Variants in ZFP30 observed in about 807,000 individuals in gnomAD.
ZFP30 encodes the protein zinc finger protein 30 homolog.
Under a neutral mutation model 12.3 loss-of-function variants are expected in ZFP30, and 16 were observed. That is an observed-to-expected ratio of 1.30 (90% CI 0.88 to 1.98). The LOEUF is 1.98. Among genes scored for constraint, ZFP30 ranks in the 30% most tolerant of loss-of-function variants. The pLI is 0.00. For missense variants in ZFP30, 560 were observed against 611.2 expected, an observed-to-expected ratio of 0.92 and a Z score of 0.88; for synonymous variants, 172 against 201.0, an observed-to-expected ratio of 0.86 and a Z score of 1.22.
At chr19:37,654,117 G>C (rs184882405) in intron 2 of ZFP30, among the ~76,000 whole-genome samples, 1 of 152,176 alleles carries the variant, frequency 6.6e-6, no homozygotes, top group Non-Finnish European at 1.5e-5. Flanking sequence ...ACACCGTAAA[G>C]TATACACTAT....
rs184617383 is a variant in ZFP30 at position 37,640,301 on chromosome 19, C to G, written c.235+2964G>C. Among the ~76,000 whole-genome samples the G allele has an allele frequency of 3.3e-5, 5 of 151,836 alleles. No individual in the cohort carries two copies. In the East Asian group the frequency reaches 9.7e-4, roughly 29 times the overall value. On this transcript the variant is annotated intron_variant, in intron 5 of 5. Coordinates refer to ENST00000684514, the MANE Select transcript of ZFP30 (RefSeq NM_001320669.3). Reference sequence around the variant, plus strand: ...ACCTACACTGAAACAAAATGCTGGGCCAAACATCAAAAGATTGGACTATGA... The same window carrying G: ...ACCTACACTGAAACAAAATGCTGGGGCAAACATCAAAAGATTGGACTATGA...
Position 37,635,798 on chromosome 19 carries a change from C to G in ZFP30, c.743G>C (p.Gly248Ala). ...GEKPYECKEC[G>A]KAFRVRGQLN... is the part of the protein sequence containing the mutation. ...TTGTCCTCTAACTCTAAAGGCTTTC[C>G]CACATTCTTTACATTCATACGGCTT... is the stretch of plus-strand genomic sequence containing the variant. Residue 248 changes from glycine (G) to alanine (A), a missense_variant, in exon 6 of 6, where the codon GGG (glycine) becomes GCG (alanine). Transcript: ENST00000684514. The G allele has an allele frequency of 1.2e-6, 2 of 1,614,082 alleles. No individual in the cohort carries two copies. Among genetic ancestry groups the G allele is most frequent in the Non-Finnish European group, 1.7e-6 (2 of 1,180,028 alleles).
At chr19:37,653,078 T>C (rs2044684855) in intron 2 of ZFP30, among the ~76,000 whole-genome samples, 1 of 148,378 alleles carries the variant, frequency 6.7e-6, no homozygotes, top group African/African-American at 2.5e-5. Flanking sequence ...GATTTCGGCA[T>C]TGCACTCCAA....
intron 2 of ZFP30, among the ~76,000 whole-genome samples, chr19:37,649,552 G>A (rs942843275): frequency 2.0e-5 from 3 of 152,118 alleles, no homozygotes; most frequent in African/African-American, 4.8e-5. Flanking sequence ...TTAAACAGCC[G>A]AGTGCAGTGG....
intron 2 of ZFP30, 67 bp from the exon 3 acceptor site, chr19:37,647,966 G>GT: frequency 1.2e-6 from 1 of 854,580 alleles, no homozygotes; most frequent in Non-Finnish European, 1.8e-6. Flanking sequence ...TTAAAAACTG[G>GT]TACTACTTCT....
At chr19:37,644,452 T>C (rs2044498967) in intron 4 of ZFP30, 158 bp downstream of exon 4, 1 of 655,924 alleles carries the variant, frequency 1.5e-6, no homozygotes. Context: ...TAGAATCGCT[T>C]GAACCCAGGA....
At position 37,644,750 on chromosome 19, in the gene ZFP30, C is replaced by T. The variant is rs749178734; in HGVS notation, c.10-14G>A. 58 of 1,601,108 alleles carry T rather than the reference C, an allele frequency of 3.6e-5. No homozygotes were observed. Among genetic ancestry groups the T allele is most frequent in the Non-Finnish European group, 4.6e-5 (54 of 1,175,910 alleles). ...CATCACCAAATCCTGAAATGATAAA[C>T]GCATGTATTATTTGTAAGATAAATG... On this transcript the variant is annotated splice_polypyrimidine_tract_variant and intron_variant, in intron 3 of 5. Coordinates refer to ENST00000684514, the MANE Select transcript of ZFP30 (RefSeq NM_001320669.3).
chr19:37,636,123 TG>T lies in ZFP30; in HGVS notation c.417del (p.Tyr139Ter). The T allele has an allele frequency of 1.2e-6, 2 of 1,614,216 alleles. No individual in the cohort carries two copies. The highest frequency in any genetic ancestry group is 1.7e-6 in the Non-Finnish European group (2 of 1,180,040). On this transcript the variant is annotated frameshift_variant, in exon 6 of 6. Coordinates refer to ENST00000684514, the MANE Select transcript of ZFP30 (RefSeq NM_001320669.3). LOFTEE classifies it low-confidence loss of function (END_TRUNC). The part of the protein sequence containing the change: ...TKTTSEKMPT[Y>X]RKLTSLPLYQ... ...TACAGAGGAAGAGATGTGAGTTTTC[TG>T]TAAGTAGGCATTTTTTCAGAGGTGG...
At chr19:37,648,112 C>G (rs113016485) in intron 2 of ZFP30, among the ~76,000 whole-genome samples, 21 of 152,322 alleles carry the variant, frequency 1.4e-4, no homozygotes, top group African/African-American at 5.1e-4. Context: ...AGCAGAGACT[C>G]TGCGGCATCA....
At chr19:37,647,750 G>T (rs1418648257) in intron 3 of ZFP30, 64 bp downstream of exon 3, 1 of 1,594,272 alleles carries the variant, frequency 6.3e-7, no homozygotes, top group African/African-American at 1.3e-5. Context: ...AATAACAAAT[G>T]AGAATGTTCA....
intron 2 of ZFP30, among the ~76,000 whole-genome samples, chr19:37,649,487 C>T (rs946318630): frequency 2.6e-5 from 4 of 152,016 alleles, no homozygotes; most frequent in Admixed American, 2.6e-4. Flanking sequence ...TGGAAAGAAC[C>T]TAAATGTCCT....
Position 37,633,405 on chromosome 19 carries a change from G to A in ZFP30, c.*1576C>T, listed in dbSNP as rs1475618964. On this transcript the variant is annotated 3_prime_UTR_variant, in exon 6 of 6. Transcript: ENST00000684514. ...TTTTGCTCTTGTTGCCCAGGCTGGA[G>A]TGCAATGGCGTGATCTCGGCTCACT... is the stretch of plus-strand genomic sequence containing the variant. 2.6e-5 allele frequency: 4 copies of A among 152,212 alleles called. No homozygotes were observed. The highest frequency in any genetic ancestry group is 9.7e-5 in the African/African-American group (4 of 41,406). The allele number at this position is 152,212 out of a possible 1,614,324, so 9.4% of individuals were successfully genotyped here.
At chr19:37,640,583 CT>C in intron 5 of ZFP30, among the ~76,000 whole-genome samples, 1 of 151,220 alleles carries the variant, frequency 6.6e-6, no homozygotes, top group East Asian at 1.9e-4. Context: ...AGGGCATCAG[CT>C]TTAATTAAAA....
Position 37,647,860 on chromosome 19 carries a change from G to C in ZFP30, c.-38C>G. ...GCTAGAACTGGTCAATTTTCCTCAA[G>C]GTTCATGTACTTCAGAAGCAGGGTC... On this transcript the variant is annotated 5_prime_UTR_variant, in exon 3 of 6. Coordinates refer to ENST00000684514, the MANE Select transcript of ZFP30 (RefSeq NM_001320669.3). 1.9e-6 allele frequency: 3 copies of C among 1,613,790 alleles called. No homozygotes were observed. Among genetic ancestry groups the C allele is most frequent in the Non-Finnish European group, 2.5e-6 (3 of 1,179,744 alleles).
chr19:37,648,422 C>T (rs1156295368), intron 2 of ZFP30, among the ~76,000 whole-genome samples: 1 of 152,108 alleles, frequency 6.6e-6, no homozygotes, highest in Non-Finnish European at 1.5e-5. Context: ...TATACTGTTG[C>T]CTGGCTCCCA....
At chr19:37,640,931 T>C (rs1022542588) in intron 5 of ZFP30, among the ~76,000 whole-genome samples, 1 of 152,110 alleles carries the variant, frequency 6.6e-6, no homozygotes, top group Non-Finnish European at 1.5e-5. Context: ...ATCAGAGATC[T>C]GAAAATGTTA....
At chr19:37,637,469 G>A (rs961045686) in intron 5 of ZFP30, among the ~76,000 whole-genome samples, 2 of 151,606 alleles carry the variant, frequency 1.3e-5, no homozygotes, top group African/African-American at 4.8e-5. Flanking sequence ...AATTACAGGC[G>A]TCAGCCACCG....
At chr19:37,655,244 T>A (rs2044731384) in intron 1 of ZFP30, 176 bp downstream of exon 1, 1 of 152,198 alleles carries the variant, frequency 6.6e-6, no homozygotes, top group Non-Finnish European at 1.5e-5. Flanking sequence ...CGCCCGGGCC[T>A]CCAGGCCTCA....
rs553139438 is a variant in ZFP30, at chr19:37,635,026, T to C, written c.1515A>G (p.Gln505=). The C allele has an allele frequency of 1.9e-6, 3 of 1,582,488 alleles. No individual in the cohort carries two copies. The highest frequency in any genetic ancestry group is 1.2e-5 in the South Asian group (1 of 85,390). The change falls in exon 6 of 6, where the codon CAA becomes CAG. Residue 505 remains glutamine (Q), a synonymous_variant. Transcript: ENST00000684514. Reference sequence around the variant, plus strand: ...GCTGATGGTAAGTAAGATGTGAATGTTGTCTAAATGCCTTTTTACATTCCT... The same window carrying C: ...GCTGATGGTAAGTAAGATGTGAATGCTGTCTAAATGCCTTTTTACATTCCT... ...KCKECKKAFR[Q]HSHLTYHQRI... is the part of the protein sequence containing the mutation.
Sources: allele counts gnomAD v4.1 joint callset (sites outside exome capture counted in the v4.1 genomes callset), GRCh38; gene constraint gnomAD v4.1.1; transcripts MANE v1.5; gene names NCBI Gene and HGNC (gene_info 2026-07-23, HGNC 2026-07-21).